EYS: variants seen among roughly 807,000 people sequenced by gnomAD.
The protein encoded by EYS is EGF-like photoreceptor maintenance factor, also known as protein eyes shut homolog.
A neutral mutation model predicts 282.1 loss-of-function variants in EYS; 250 were observed. That is an observed-to-expected ratio of 0.89 (90% CI 0.80 to 0.98). EYS has a LOEUF of 0.98. Ranked by LOEUF, EYS falls within the 50% of genes least tolerant of loss-of-function variation. The pLI is 0.00. For missense variants in EYS, 4,016 were observed against 3,709.0 expected (o/e 1.08, Z -2.15); for synonymous variants, 1,355 against 1,282.9 (o/e 1.06, Z -1.20).
intron 8 of EYS, among the ~76,000 whole-genome samples, chr6:65,359,601 CA>C (rs1764621190): frequency 6.6e-6 from 1 of 151,936 alleles, no homozygotes; most frequent in South Asian, 2.1e-4. Context: ...CCTAGAATTA[CA>C]GCATCTATAT....
Position 63,814,512 on chromosome 6 carries a change from T to C in EYS, c.7229-8140A>G, listed in dbSNP as rs183865235. Among the ~76,000 whole-genome samples the C allele has an allele frequency of 6.9e-3, 1,051 of 152,320 alleles. 16 individuals are homozygous for C. The highest frequency in any genetic ancestry group is 0.025 in the African/African-American group (1,020 of 41,570). The stretch of plus-strand genomic sequence containing the variant: ...TTTAATTACTACCATTCTAACTTCT[T>C]TATCCAATCATCAAGAAAAAGCTAA... On this transcript the variant is annotated intron_variant, in intron 36 of 42. Transcript: ENST00000503581.
At chr6:63,831,745 C>A (rs1035919438) in intron 36 of EYS, among the ~76,000 whole-genome samples, 2 of 152,176 alleles carry the variant, frequency 1.3e-5, no homozygotes, top group Non-Finnish European at 2.9e-5. Context: ...CTCTCCACCC[C>A]AAATCAACAG....
At chr6:63,953,204 C>T (rs1765674559) in intron 35 of EYS, among the ~76,000 whole-genome samples, 1 of 152,174 alleles carries the variant, frequency 6.6e-6, no homozygotes, top group African/African-American at 2.4e-5. Context: ...ACCCTGACAC[C>T]CATTAGTCCC....
intron 5 of EYS, among the ~76,000 whole-genome samples, chr6:65,431,865 T>C (rs572957710): frequency 6.6e-6 from 1 of 152,282 alleles, no homozygotes; most frequent in Non-Finnish European, 1.5e-5. Context: ...TCATCATTCT[T>C]TGAACATTTC....
Position 65,297,951 on chromosome 6 carries a change from C to T in EYS, c.1767-1832G>A, listed in dbSNP as rs547107225. Among the ~76,000 whole-genome samples, 9 of 152,104 alleles carry T rather than the reference C, an allele frequency of 5.9e-5. No individual in the cohort carries two copies. The East Asian group carries it at 1.5e-3, about 26-fold the overall frequency. On this transcript the variant is annotated intron_variant, in intron 11 of 42. Transcript: ENST00000503581. ...GTTCTGATTGGGGTGGTAGATTACA[C>T]GGGGCCCTATGTATAATGCCAAGAT...
chr6:64,318,556 A>G (rs1031458710), intron 29 of EYS, among the ~76,000 whole-genome samples: 13 of 152,032 alleles, frequency 8.6e-5, no homozygotes, highest in Non-Finnish European at 1.5e-5. Context: ...AATACATGAA[A>G]GTATGAGAAG....
At chr6:64,585,461 A>C (rs1045853183) in intron 26 of EYS, among the ~76,000 whole-genome samples, 2 of 152,150 alleles carry the variant, frequency 1.3e-5, no homozygotes, top group Non-Finnish European at 2.9e-5. Flanking sequence ...CACTGTATCT[A>C]AAATAAATGT....
chr6:65,356,318 C>G (rs1187016525), intron 8 of EYS, among the ~76,000 whole-genome samples: 1 of 151,900 alleles, frequency 6.6e-6, no homozygotes, highest in African/African-American at 2.4e-5. Context: ...CTAAGAATAT[C>G]AGAGGAAGTT....
intron 30 of EYS, among the ~76,000 whole-genome samples, chr6:64,249,679 A>G (rs1375616402): frequency 2.0e-5 from 3 of 152,188 alleles, no homozygotes; most frequent in African/African-American, 7.2e-5. Flanking sequence ...CAGATGGAAT[A>G]ATTTCTGCAA....
chr6:64,494,565 A>G (rs1776835373), intron 26 of EYS, among the ~76,000 whole-genome samples: 1 of 151,020 alleles, frequency 6.6e-6, no homozygotes, highest in South Asian at 2.1e-4. Context: ...TATTAGTTCA[A>G]TGGATTAATG....
At chr6:65,179,907 C>T (rs1443710571) in intron 12 of EYS, among the ~76,000 whole-genome samples, 1 of 152,008 alleles carries the variant, frequency 6.6e-6, no homozygotes, top group East Asian at 1.9e-4. Context: ...TCAACATACG[C>T]AAATCAATAA....
chr6:64,254,179 A>G (rs893798588), intron 30 of EYS, among the ~76,000 whole-genome samples: 5 of 152,048 alleles, frequency 3.3e-5, no homozygotes, highest in African/African-American at 1.2e-4. Context: ...TGTCTTCCCC[A>G]TATTTTCTAG....
chr6:65,068,061 A>T (rs911605316), intron 12 of EYS, among the ~76,000 whole-genome samples: 15 of 152,048 alleles, frequency 9.9e-5, no homozygotes, highest in Non-Finnish European at 1.8e-4. Context: ...ACAATTTTTG[A>T]CGTTATCTTC....
chr6:65,091,271 T>TAAAA (rs397887871), intron 12 of EYS, among the ~76,000 whole-genome samples: 11 of 56,412 alleles, frequency 1.9e-4, no homozygotes, highest in East Asian at 6.1e-4. Context: ...CCATCTCCCC[T>TAAAA]AAAAAAAAAA....
chr6:64,455,255 G>A (rs958444476), intron 26 of EYS, among the ~76,000 whole-genome samples: 4 of 151,970 alleles, frequency 2.6e-5, no homozygotes, highest in African/African-American at 9.7e-5. Flanking sequence ...TGTGAATAAT[G>A]AGACCCTTCT....
intron 26 of EYS, among the ~76,000 whole-genome samples, chr6:64,440,629 G>A (rs914040079): frequency 6.6e-6 from 1 of 151,928 alleles, no homozygotes; most frequent in African/African-American, 2.4e-5. Flanking sequence ...CGTTTCAATG[G>A]TGATGTTAAA....
At chr6:64,662,988 A>G (rs1482719862) in intron 22 of EYS, among the ~76,000 whole-genome samples, 2 of 152,206 alleles carry the variant, frequency 1.3e-5, no homozygotes, top group African/African-American at 2.4e-5. Context: ...TGTGCAATTC[A>G]GGTCAGAAAT....
intron 33 of EYS, among the ~76,000 whole-genome samples, chr6:64,042,551 C>T (rs1770436868): frequency 6.6e-6 from 1 of 152,212 alleles, no homozygotes; most frequent in South Asian, 2.1e-4. Context: ...CATGAATATC[C>T]CAGGTAGTGC....
intron 2 of EYS, among the ~76,000 whole-genome samples, chr6:65,598,904 G>C (rs1327569882): frequency 6.6e-6 from 1 of 151,906 alleles, no homozygotes; most frequent in Non-Finnish European, 1.5e-5. Flanking sequence ...TATGAGTTAG[G>C]GTCATCACTT....
Sources: allele counts gnomAD v4.1 joint callset (sites outside exome capture counted in the v4.1 genomes callset), GRCh38; gene constraint gnomAD v4.1.1; transcripts MANE v1.5; gene names NCBI Gene and HGNC (gene_info 2026-07-23, HGNC 2026-07-21).